CNTN4: variants seen among roughly 807,000 people sequenced by gnomAD.
The protein encoded by CNTN4 is contactin 4, also known as contactin-4.
Under a neutral mutation model 122.5 loss-of-function variants are expected in CNTN4, and 77 were observed. The observed-to-expected ratio is 0.63, with a 90% CI of 0.52 to 0.76. CNTN4 has a LOEUF of 0.76. CNTN4 is among the 30% of genes least tolerant of loss of function. The probability of loss-of-function intolerance (pLI) is 0.00; values close to 1 mark genes in which losing one functional copy is unlikely to be tolerated. For missense variants in CNTN4, 1,256 were observed against 1,259.1 expected (o/e 1.00, Z 0.04); for synonymous variants, 512 against 447.0 (o/e 1.15, Z -1.83).
intron 3 of CNTN4, among the ~76,000 whole-genome samples, chr3:2,512,635 A>G (rs2076921609): frequency 6.6e-6 from 1 of 152,184 alleles, no homozygotes; most frequent in Non-Finnish European, 1.5e-5. Context: ...TAAAAGTGGA[A>G]TAATTGAGCT....
chr3:2,381,831 A>G (rs1010826314), intron 3 of CNTN4, among the ~76,000 whole-genome samples: 7 of 152,180 alleles, frequency 4.6e-5, no homozygotes, highest in Non-Finnish European at 1.0e-4. Context: ...ATATTCAGAA[A>G]ACATATATTT....
At chr3:2,717,623 A>G (rs1461407051) in intron 4 of CNTN4, among the ~76,000 whole-genome samples, 2 of 152,140 alleles carry the variant, frequency 1.3e-5, no homozygotes. Flanking sequence ...CTCCTAGTAA[A>G]ACATCAAACC....
intron 10 of CNTN4, among the ~76,000 whole-genome samples, chr3:2,892,671 C>T (rs940786770): frequency 4.6e-5 from 7 of 152,110 alleles, no homozygotes; most frequent in African/African-American, 1.7e-4. Context: ...ACTACAAGAG[C>T]CTGATATTTA....
At chr3:2,125,894 G>GGTGGGTGTGTGT (rs763272864) in intron 2 of CNTN4, among the ~76,000 whole-genome samples, 8 of 143,374 alleles carry the variant, frequency 5.6e-5, no homozygotes, top group African/African-American at 1.8e-4. Context: ...TTTTATTTCT[G>GGTGGGTGTGTGT]GTGTGTGTGT....
chr3:2,451,306 T>C (rs2048820851), intron 3 of CNTN4, among the ~76,000 whole-genome samples: 1 of 152,136 alleles, frequency 6.6e-6, no homozygotes, highest in Non-Finnish European at 1.5e-5. Context: ...ATTAGATTTT[T>C]AGAGCTTCTA....
chr3:2,883,920 C>G (rs13316173), intron 9 of CNTN4, among the ~76,000 whole-genome samples: 3,949 of 152,164 alleles, frequency 0.026, 175 homozygotes, highest in African/African-American at 0.089. Flanking sequence ...TTGCCAGTAA[C>G]CAGCAATAAA....
At chr3:2,777,923 A>C (rs1034197626) in intron 6 of CNTN4, among the ~76,000 whole-genome samples, 4 of 152,064 alleles carry the variant, frequency 2.6e-5, no homozygotes, top group Non-Finnish European at 5.9e-5. Context: ...CCTAAATTTT[A>C]AGAAATAACT....
chr3:2,800,858 T>C (rs2092330433), intron 6 of CNTN4, among the ~76,000 whole-genome samples: 1 of 152,168 alleles, frequency 6.6e-6, no homozygotes, highest in South Asian at 2.1e-4. Flanking sequence ...ACCTGAATGT[T>C]TTCCCGTAAA....
chr3:2,982,810 AT>A (rs1410915115), intron 13 of CNTN4, among the ~76,000 whole-genome samples: 1 of 152,206 alleles, frequency 6.6e-6, no homozygotes, highest in Non-Finnish European at 1.5e-5. Flanking sequence ...AGAAATGTGT[AT>A]GTTATTGTAT....
At chr3:2,446,675 T>C (rs1398862504) in intron 3 of CNTN4, among the ~76,000 whole-genome samples, 1 of 152,164 alleles carries the variant, frequency 6.6e-6, no homozygotes, top group Non-Finnish European at 1.5e-5. Flanking sequence ...ATAAACACAC[T>C]CGGTTTACTT....
At chr3:2,342,964 T>A (rs1274985418) in intron 3 of CNTN4, among the ~76,000 whole-genome samples, 1 of 152,186 alleles carries the variant, frequency 6.6e-6, no homozygotes, top group East Asian at 1.9e-4. Flanking sequence ...ACGATTTCTT[T>A]TTGGAGGTGA....
intron 2 of CNTN4, among the ~76,000 whole-genome samples, chr3:2,173,850 A>T (rs111579455): frequency 2.2e-4 from 33 of 152,278 alleles, no homozygotes; most frequent in African/African-American, 7.5e-4. Context: ...AGGAAAAAAT[A>T]ATTAAATAAA....
intron 11 of CNTN4, among the ~76,000 whole-genome samples, chr3:2,901,298 G>A (rs934027616): frequency 2.5e-4 from 38 of 152,230 alleles, no homozygotes; most frequent in African/African-American, 7.2e-4. Flanking sequence ...TTTTCCTGCC[G>A]AACCTCAAAT....
At chr3:2,473,850 T>C (rs965680092) in intron 3 of CNTN4, among the ~76,000 whole-genome samples, 3 of 151,952 alleles carry the variant, frequency 2.0e-5, no homozygotes, top group Non-Finnish European at 4.4e-5. Flanking sequence ...CTGTCTCTAC[T>C]AAAAATACAA....
chr3:2,393,742 A>G (rs1290785422), intron 3 of CNTN4, among the ~76,000 whole-genome samples: 2 of 152,146 alleles, frequency 1.3e-5, no homozygotes. Context: ...TTATATACCT[A>G]AAGAGATCAA....
At chr3:2,868,739 C>T (rs1477238542) in intron 8 of CNTN4, among the ~76,000 whole-genome samples, 1 of 152,128 alleles carries the variant, frequency 6.6e-6, no homozygotes, top group Non-Finnish European at 1.5e-5. Flanking sequence ...CTTGCATTCT[C>T]CTGGGGGATG....
intron 13 of CNTN4, among the ~76,000 whole-genome samples, chr3:2,950,234 C>T (rs113170636): frequency 6.6e-6 from 1 of 152,254 alleles, no homozygotes; most frequent in African/African-American, 2.4e-5. Context: ...CAGGCATGTG[C>T]TGACATGGGA....
intron 3 of CNTN4, among the ~76,000 whole-genome samples, chr3:2,476,754 A>G (rs772205260): frequency 6.6e-6 from 1 of 152,208 alleles, no homozygotes; most frequent in South Asian, 2.1e-4. Flanking sequence ...TATTCTTTAA[A>G]TATTCTAAAA....
At chr3:2,373,138 A>G (rs79001401) in intron 3 of CNTN4, among the ~76,000 whole-genome samples, 1,575 of 152,326 alleles carry the variant, frequency 0.01, 17 homozygotes, top group Non-Finnish European at 0.016. Flanking sequence ...TAAGGTAGGG[A>G]AGAAAACTGG....
Sources: allele counts gnomAD v4.1 joint callset (sites outside exome capture counted in the v4.1 genomes callset), GRCh38; gene constraint gnomAD v4.1.1; transcripts MANE v1.5; gene names NCBI Gene and HGNC (gene_info 2026-07-23, HGNC 2026-07-21).